RBM38: variants seen among roughly 807,000 people sequenced by gnomAD.
RBM38 encodes the protein RNA-binding protein 38.
In RBM38, 11 loss-of-function variants were observed where a neutral mutation model predicts 23.5. The observed-to-expected ratio is 0.47, with a 90% confidence interval of 0.29 to 0.77. The LOEUF (loss-of-function observed/expected upper bound fraction) is 0.77. RBM38 is among the 30% of genes least tolerant of loss of function. The pLI, the probability that RBM38 is intolerant of heterozygous loss-of-function variation, is 0.08. For synonymous variants in RBM38, 165 were observed against 166.1 expected (o/e 0.99, Z 0.05); for missense variants, 330 against 351.9 (o/e 0.94, Z 0.50).
intron 3 of RBM38, among the ~76,000 whole-genome samples, chr20:57,398,761 T>C (rs566042332): frequency 6.0e-4 from 92 of 152,366 alleles, no homozygotes; most frequent in African/African-American, 2.2e-3. Context: ...TCTGGAAGCC[T>C]TGGGCCAAGG....
At chr20:57,402,807 C>T (rs1485292380) in intron 3 of RBM38, among the ~76,000 whole-genome samples, 1 of 152,252 alleles carries the variant, frequency 6.6e-6, no homozygotes, top group Non-Finnish European at 1.5e-5. Context: ...TTCGCCCATG[C>T]GTGCGTGGCT....
At chr20:57,396,953 A>C (rs1160204110) in intron 3 of RBM38, among the ~76,000 whole-genome samples, 2 of 152,238 alleles carry the variant, frequency 1.3e-5, no homozygotes, top group Non-Finnish European at 2.9e-5. Flanking sequence ...CTTCCACTTA[A>C]GTCTCACTGG....
At position 57,392,724 on chromosome 20, in the gene RBM38, A is replaced by G. The variant is rs1459678041; in HGVS notation, c.308A>G (p.Lys103Arg). 4 of 1,612,878 alleles carry G rather than the reference A, an allele frequency of 2.5e-6. No individual in the cohort carries two copies. Among genetic ancestry groups the G allele is most frequent in the Non-Finnish European group, 3.4e-6 (4 of 1,179,854 alleles). ...KDPNPIIDGRKANVNLAYLGA... is the reference protein window; with the variant it reads ...KDPNPIIDGRRANVNLAYLGA... ...CCGAACCCCATCATCGACGGCCGCAAGGCCAACGTGAACCTGGCATATCTG... is the reference window on the plus strand; with the variant it reads ...CCGAACCCCATCATCGACGGCCGCAGGGCCAACGTGAACCTGGCATATCTG... The change falls in exon 2 of 4, where the codon AAG (lysine) becomes AGG (arginine). Residue 103 changes from lysine (K) to arginine (R), a missense_variant. This residue lies in a region of RBM38 where 227 missense variants were observed against 216.4 expected (regional missense o/e 1.05). Transcript: ENST00000356208.
rs976896768 is a variant in RBM38, at chr20:57,408,956, G to A, written c.*1110G>A. Reference sequence around the variant, plus strand: ...GCCCTCAGCTCTGCCCGCTGGAGCGGTTGAGTGCAGAAGGGTGCGCCTCTT... The same window carrying A: ...GCCCTCAGCTCTGCCCGCTGGAGCGATTGAGTGCAGAAGGGTGCGCCTCTT... On this transcript the variant is annotated 3_prime_UTR_variant, in exon 4 of 4. Coordinates refer to ENST00000356208, the MANE Select transcript of RBM38 (RefSeq NM_017495.6). 1 of 152,838 alleles carries A rather than the reference G, an allele frequency of 6.5e-6. No individual in the cohort carries two copies. Among genetic ancestry groups the A allele is most frequent in the Non-Finnish European group, 1.5e-5 (1 of 68,178 alleles). The allele number at this position is 152,838 out of a possible 1,614,324, so 9.5% of individuals were successfully genotyped here. A position where few individuals can be genotyped will look rare whatever the true frequency, so the allele number is the denominator to read the frequency against.
In RBM38 at chr20:57,407,787, G is replaced by A. The variant is rs201744631; in HGVS notation, c.661G>A (p.Ala221Thr). The A allele has an allele frequency of 3.9e-4, 625 of 1,603,706 alleles. No individual in the cohort carries two copies. Among genetic ancestry groups the A allele is most frequent in the Non-Finnish European group, 4.7e-4 (549 of 1,176,856 alleles). ...CCAGGCCCTCTCAGCCGCAGCACCC[G>A]CGGGCACCACTTTCGTGCAGTACCA... ...VPQALSAAAPAGTTFVQYQAP... is the reference protein window; with the variant it reads ...VPQALSAAAPTGTTFVQYQAP... Residue 221 changes from alanine (A) to threonine (T), a missense_variant, in exon 4 of 4, where the codon GCG becomes ACG. This residue lies in a region of RBM38 where 227 missense variants were observed against 216.4 expected (regional missense o/e 1.05). Coordinates refer to ENST00000356208, the MANE Select transcript of RBM38 (RefSeq NM_017495.6). This position sits in a 1 kb window ranked among gnomAD's most constrained non-coding sequence, Gnocchi z 4.0.
rs543516384 is a variant in RBM38 at position 57,402,326 on chromosome 20, C to T, written c.417-5217C>T. 5.3e-5 allele frequency among the ~76,000 whole-genome samples: 8 copies of T among 152,330 alleles called. No individual in the cohort carries two copies. The South Asian group carries it at 1.4e-3, about 28-fold the overall frequency. On this transcript the variant is annotated intron_variant, in intron 3 of 3. Coordinates refer to ENST00000356208, the MANE Select transcript of RBM38 (RefSeq NM_017495.6). ...CCACCAAGGCAGGGCCACGCCACTGCGCCCGCCTGGAGAGTCGGTGATGAA... is the reference window on the plus strand; with the variant it reads ...CCACCAAGGCAGGGCCACGCCACTGTGCCCGCCTGGAGAGTCGGTGATGAA...
intron 3 of RBM38, among the ~76,000 whole-genome samples, chr20:57,398,244 G>A (rs1019508354): frequency 6.6e-5 from 9 of 135,700 alleles, no homozygotes; most frequent in African/African-American, 3.2e-4. Context: ...GTTTGCAGGT[G>A]ATGGCGTGTG....
Position 57,406,144 on chromosome 20 carries a change from G to A in RBM38, c.417-1399G>A, listed in dbSNP as rs377138191. Among the ~76,000 whole-genome samples, 6 of 152,368 alleles carry A rather than the reference G, an allele frequency of 3.9e-5. No homozygotes were observed. The South Asian group carries it at 1.2e-3, about 32-fold the overall frequency. On this transcript the variant is annotated intron_variant, in intron 3 of 3. Transcript: ENST00000356208. ...CCCTGGAAGACCACTCCGTGCCTCG[G>A]ACTCTGCAGCAGCTTCTGATGCCGC...
chr20:57,394,841 G>A (rs1262837426), intron 3 of RBM38, among the ~76,000 whole-genome samples: 1 of 152,286 alleles, frequency 6.6e-6, no homozygotes, highest in South Asian at 2.1e-4. Flanking sequence ...CCAGAGGTGA[G>A]GGTGTGTGCC....
At chr20:57,392,033 C>CCCACCG (rs1438681783) in intron 1 of RBM38, among the ~76,000 whole-genome samples, 1 of 59,142 alleles carries the variant, frequency 1.7e-5, no homozygotes, top group Non-Finnish European at 4.5e-5. Context: ...CACCCCCACC[C>CCCACCG]CCACCCCCAC....
intron 3 of RBM38, among the ~76,000 whole-genome samples, chr20:57,399,363 GC>G (rs1051337055): frequency 6.6e-6 from 1 of 152,218 alleles, no homozygotes; most frequent in Non-Finnish European, 1.5e-5. Context: ...GTGGTTGGAG[GC>G]CCTTAGAGGA....
chr20:57,407,939 T>C lies in RBM38; in HGVS notation c.*93T>C. 2.1e-6 allele frequency: 3 copies of C among 1,438,786 alleles called. No homozygotes were observed. The highest frequency in any genetic ancestry group is 1.8e-6 in the Non-Finnish European group (2 of 1,081,192). The allele number at this position is 1,438,786 out of a possible 1,614,324, so 89.1% of individuals were successfully genotyped here. A position where few individuals can be genotyped will look rare whatever the true frequency, so the allele number is the denominator to read the frequency against. On this transcript the variant is annotated 3_prime_UTR_variant, in exon 4 of 4. Transcript: ENST00000356208. This position sits in a 1 kb window ranked among gnomAD's most constrained non-coding sequence, Gnocchi z 4.0. ...TGGGCTGGCGACAGCCCGGCTGAGC[T>C]TCAGTGAGGTGCCACCAGCACCCGT...
At chr20:57,401,338 C>T (rs981652963) in intron 3 of RBM38, among the ~76,000 whole-genome samples, 44 of 152,314 alleles carry the variant, frequency 2.9e-4, no homozygotes, top group African/African-American at 9.6e-4. Flanking sequence ...CAGAGGCTGG[C>T]GGGCTGTGCC....
At chr20:57,398,954 A>C (rs2067301436) in intron 3 of RBM38, among the ~76,000 whole-genome samples, 1 of 152,216 alleles carries the variant, frequency 6.6e-6, no homozygotes, top group African/African-American at 2.4e-5. Flanking sequence ...AGGGAGCTGG[A>C]CACTGGGTCA....
chr20:57,407,134 T>C lies in RBM38; in HGVS notation c.417-409T>C, dbSNP rs1284919733. Among the ~76,000 whole-genome samples, 5 of 152,188 alleles carry C rather than the reference T, an allele frequency of 3.3e-5. No individual in the cohort carries two copies. Among genetic ancestry groups the C allele is most frequent in the African/African-American group, 1.2e-4 (5 of 41,448 alleles). The stretch of plus-strand genomic sequence containing the variant: ...GCAGGGAAGGGGGACAGGGCTGGCC[T>C]CCCAGACATGCAACCAGGACATTCG... On this transcript the variant is annotated intron_variant, in intron 3 of 3. Coordinates refer to ENST00000356208, the MANE Select transcript of RBM38 (RefSeq NM_017495.6). The surrounding 1 kb of genome is among the most constrained non-coding windows in gnomAD (Gnocchi z 4.0).
At chr20:57,399,834 G>A in intron 3 of RBM38, 1 of 455,256 alleles carries the variant, frequency 2.2e-6, no homozygotes, top group Non-Finnish European at 4.4e-6. Context: ...AGAACCCTAA[G>A]AGCTGCGGTC....
rs564323236 is a variant in RBM38 at position 57,392,686 on chromosome 20, G to A, written c.270G>A (p.Arg90=). The stretch of plus-strand genomic sequence containing the variant: ...TGGCCGACCGGGCGGCAGCTGAGAG[G>A]GCTTGCAAAGACCCGAACCCCATCA... The part of the protein sequence containing the change: ...VTMADRAAAE[R]ACKDPNPIID... The change falls in exon 2 of 4, where the codon AGG becomes AGA. Residue 90 remains arginine, a synonymous_variant. Transcript: ENST00000356208. The A allele has an allele frequency of 6.2e-7, 1 of 1,612,670 alleles. No homozygotes were observed. The highest frequency in any genetic ancestry group is 1.3e-5 in the African/African-American group (1 of 74,944).
chr20:57,391,722 C>T lies in RBM38; in HGVS notation c.141C>T (p.Asp47=), dbSNP rs1409274953. 2 of 1,541,878 alleles carry T rather than the reference C, an allele frequency of 1.3e-6. No individual in the cohort carries two copies. The highest frequency in any genetic ancestry group is 1.9e-5 in the Admixed American group (1 of 51,438). The change falls in exon 1 of 4, where the codon GAC becomes GAT. Residue 47 remains aspartate (D), a synonymous_variant. Coordinates refer to ENST00000356208, the MANE Select transcript of RBM38 (RefSeq NM_017495.6). ...GCGGCCTGCCGTACCACACTACCGACGCCTCGCTCAGGAAGTACTTCGAGG... is the reference window on the plus strand; with the variant it reads ...GCGGCCTGCCGTACCACACTACCGATGCCTCGCTCAGGAAGTACTTCGAGG... ...FVGGLPYHTT[D]ASLRKYFEGF...
At position 57,409,128 on chromosome 20, in the gene RBM38, A is replaced by G. The variant is rs1361500059; in HGVS notation, c.*1282A>G. 1.3e-5 allele frequency: 2 copies of G among 149,494 alleles called. No homozygotes were observed. The highest frequency in any genetic ancestry group is 2.1e-4 in the South Asian group (1 of 4,670). The allele number at this position is 149,494 out of a possible 1,614,324, so 9.3% of individuals were successfully genotyped here. A position where few individuals can be genotyped will look rare whatever the true frequency, so the allele number is the denominator to read the frequency against. On this transcript the variant is annotated 3_prime_UTR_variant, in exon 4 of 4. Transcript: ENST00000356208. The stretch of plus-strand genomic sequence containing the variant: ...GCTGTGGGGGTCTGGAGGAGGGGAC[A>G]TGAGGTGAGAGGTATCCTGGCCGAG...
Sources: gnomAD v4.1 joint callset for allele counts (sites outside exome capture counted in the v4.1 genomes callset) on GRCh38, gnomAD v4.1.1 for gene constraint, gnomAD v4.1.1 regional missense constraint, Gnocchi (gnomAD v3.1) non-coding constraint, MANE v1.5 for transcripts, NCBI Gene and HGNC (gene_info 2026-07-23, HGNC 2026-07-21) for gene names.